Variants in DOCK10 observed in about 807,000 individuals in gnomAD.
The protein encoded by DOCK10 is dedicator of cytokinesis protein 10.
A neutral mutation model predicts 280.1 loss-of-function variants in DOCK10; 145 were observed. The observed-to-expected ratio is 0.52, with a 90% CI of 0.45 to 0.59. DOCK10 has a LOEUF of 0.59. Among genes scored for constraint, DOCK10 ranks in the 20% least tolerant of loss-of-function variants. The probability of loss-of-function intolerance (pLI) is 0.00; values close to 1 mark genes in which losing one functional copy is unlikely to be tolerated. For missense variants in DOCK10, 2,368 were observed against 2,651.7 expected (o/e 0.89, Z 2.35); for synonymous variants, 915 against 942.2 (o/e 0.97, Z 0.53).
At position 225,009,638 on chromosome 2, in the gene DOCK10, C is replaced by CGAAA. The variant is rs559047500; in HGVS notation, c.123+32613_123+32614insTTTC. 3.0e-3 allele frequency among the ~76,000 whole-genome samples: 406 copies of CGAAA among 135,560 alleles called. 8 individuals carry two copies. The highest frequency in any genetic ancestry group is 1.2e-3 in the Non-Finnish European group (79 of 64,018). 88.9% of individuals were successfully genotyped at this position (135,560 alleles called of 152,430 possible). ...ACAATGACAAAGGCAAGCCCTAAGG[C>CGAAA]AAAAAAAAAAAAAGAAAGAAAAAAG... On this transcript the variant is annotated intron_variant, in intron 1 of 55. Coordinates refer to ENST00000258390, the MANE Select transcript of DOCK10 (RefSeq NM_014689.3).
rs1459931864 is a variant in DOCK10, at chr2:224,814,338, G to C, written c.3391C>G (p.Gln1131Glu). Reference sequence around the variant, plus strand: ...CACTTACCTGATGCATGTAACTCTTGAGTCGATTCTGAAGGTGTCAAAGGA... The same window carrying C: ...CACTTACCTGATGCATGTAACTCTTCAGTCGATTCTGAAGGTGTCAAAGGA... ...PDPLTPSESTQELHASDMPEY... is the reference protein window; with the variant it reads ...PDPLTPSESTEELHASDMPEY... Residue 1131 changes from glutamine to glutamate, a missense_variant, in exon 31 of 56, where the codon CAA (glutamine) becomes GAA (glutamate). Around this residue, in one of 2 missense-constraint regions of DOCK10, gnomAD observed 1,159 missense variants for 1,400.8 expected, o/e 0.83. Transcript: ENST00000258390. 1.3e-5 allele frequency: 20 copies of C among 1,534,826 alleles called. No homozygotes were observed. The highest frequency in any genetic ancestry group is 1.8e-5 in the Non-Finnish European group (20 of 1,140,196).
Position 224,789,320 on chromosome 2 carries a change from C to A in DOCK10, c.5312-150G>T, listed in dbSNP as rs1396132124. ...GTTAGATTATGACTATTGATAAATGCGCTCTGCCAGGCAAACAATATTCCC... is the reference window on the plus strand; with the variant it reads ...GTTAGATTATGACTATTGATAAATGAGCTCTGCCAGGCAAACAATATTCCC... On this transcript the variant is annotated intron_variant, in intron 47 of 55. Coordinates refer to ENST00000258390, the MANE Select transcript of DOCK10 (RefSeq NM_014689.3). 5 of 545,296 alleles carry A rather than the reference C, an allele frequency of 9.2e-6. No homozygotes were observed. The East Asian group carries it at 1.2e-4, about 13-fold the overall frequency. The allele number at this position is 545,296 out of a possible 1,614,324, so 33.8% of individuals were successfully genotyped here.
intron 1 of DOCK10, among the ~76,000 whole-genome samples, chr2:224,965,691 T>A (rs1704695075): frequency 6.6e-6 from 1 of 152,198 alleles, no homozygotes; most frequent in South Asian, 2.1e-4. Flanking sequence ...AAATAGCAGG[T>A]GCTCCATAAT....
chr2:224,908,736 A>T (rs1700829428), intron 3 of DOCK10, among the ~76,000 whole-genome samples: 1 of 152,060 alleles, frequency 6.6e-6, no homozygotes, highest in Non-Finnish European at 1.5e-5. Context: ...AGATCAAGTG[A>T]TCCTCTTGCC....
At chr2:224,861,546 C>T (rs1685646183) in intron 14 of DOCK10, 1 of 152,218 alleles carries the variant, frequency 6.6e-6, no homozygotes, top group African/African-American at 2.4e-5. Flanking sequence ...CTTCCTACAC[C>T]TACTCATCTC....
At position 224,805,048 on chromosome 2, in the gene DOCK10, TA is replaced by T; in HGVS notation, c.4118+9del. 6.2e-7 allele frequency: 1 copy of T among 1,600,506 alleles called. No individual in the cohort carries two copies. On this transcript the variant is annotated intron_variant, in intron 37 of 55. Coordinates refer to ENST00000258390, the MANE Select transcript of DOCK10 (RefSeq NM_014689.3). The surrounding 1 kb of genome is among the most constrained non-coding windows in gnomAD (Gnocchi z 4.3). ...GAAAAAAGTGTTAAGTCATCAACTCTAAAACTTACTCCAAGATGCTGAAGAA... is the reference window on the plus strand; with the variant it reads ...GAAAAAAGTGTTAAGTCATCAACTCTAAACTTACTCCAAGATGCTGAAGAA...
At chr2:224,775,324 AT>A (rs1690764402) in intron 51 of DOCK10, among the ~76,000 whole-genome samples, 1 of 152,190 alleles carries the variant, frequency 6.6e-6, no homozygotes, top group Admixed American at 6.5e-5. Flanking sequence ...TAGGGGTGGA[AT>A]TAGAGCCAGC....
chr2:224,872,298 C>G (rs1698340338), intron 11 of DOCK10, among the ~76,000 whole-genome samples: 1 of 152,196 alleles, frequency 6.6e-6, no homozygotes, highest in Non-Finnish European at 1.5e-5. Flanking sequence ...TTGTACCAAG[C>G]AATGTCTGAG....
intron 1 of DOCK10, among the ~76,000 whole-genome samples, chr2:224,944,102 C>T (rs570160571): frequency 9.9e-5 from 15 of 152,184 alleles, no homozygotes; most frequent in Admixed American, 3.3e-4. Flanking sequence ...GTGCTGGGCA[C>T]GGTACAATGA....
At position 224,864,601 on chromosome 2, in the gene DOCK10, G is replaced by A; in HGVS notation, c.1554C>T (p.Asn518=). The A allele has an allele frequency of 1.2e-6, 2 of 1,613,290 alleles. No individual in the cohort carries two copies. The highest frequency in any genetic ancestry group is 4.5e-5 in the East Asian group (2 of 44,868). Residue 518 remains asparagine, a synonymous_variant, in exon 13 of 56, where the codon AAC becomes AAT. Coordinates refer to ENST00000258390, the MANE Select transcript of DOCK10 (RefSeq NM_014689.3). ...TATAAGGTTCGGCACCACTTGCAAT[G>A]TTTCCCATCAAGACTTTTTCGATTT... The part of the protein sequence containing the change: ...VAKIEKVLMG[N]IASGAEPYIK...
chr2:224,844,271 C>T (rs1696178085), intron 22 of DOCK10, among the ~76,000 whole-genome samples: 1 of 152,122 alleles, frequency 6.6e-6, no homozygotes, highest in Non-Finnish European at 1.5e-5. Context: ...GCTGGGATTA[C>T]AGGCATGCGT....
rs116134374 is a variant in DOCK10 at position 224,880,568 on chromosome 2, C to T, written c.748-4347G>A. ...ATTTCTCATATATCAGTGTCCTTTG[C>T]AGCCAGTGCAACTACTTTGTTCAGT... On this transcript the variant is annotated intron_variant, in intron 7 of 55. Coordinates refer to ENST00000258390, the MANE Select transcript of DOCK10 (RefSeq NM_014689.3). Among the ~76,000 whole-genome samples the T allele has an allele frequency of 9.7e-4, 148 of 152,318 alleles. 1 individual carries two copies. The highest frequency in any genetic ancestry group is 3.3e-3 in the African/African-American group (138 of 41,568).
rs765675283 is a variant in DOCK10, at chr2:224,805,458, T to G, written c.3886A>C (p.Asn1296His). 1 of 1,612,704 alleles carries G rather than the reference T, an allele frequency of 6.2e-7. No individual in the cohort carries two copies. Among genetic ancestry groups the G allele is most frequent in the African/African-American group, 1.3e-5 (1 of 74,840 alleles). ...CTGCTCTTCTCATTGGTACTTGGAT[T>G]GGAGTCAAGACTTGCTAAAGATGCT... is the stretch of plus-strand genomic sequence containing the variant. ...SRASLASLDS[N>H]PSTNEKSSEK... The change falls in exon 35 of 56, where the codon AAT (asparagine) becomes CAT (histidine). Residue 1296 changes from asparagine to histidine, a missense_variant. Asn to His is a moderately conservative substitution (Grantham distance 68, BLOSUM62 1). This residue lies in a region of DOCK10 where 1,159 missense variants were observed against 1,400.8 expected (regional missense o/e 0.83). Coordinates refer to ENST00000258390, the MANE Select transcript of DOCK10 (RefSeq NM_014689.3). The surrounding 1 kb of genome is among the most constrained non-coding windows in gnomAD (Gnocchi z 4.3).
chr2:224,816,100 T>C (rs1694119619), intron 30 of DOCK10, among the ~76,000 whole-genome samples: 1 of 152,060 alleles, frequency 6.6e-6, no homozygotes, highest in Non-Finnish European at 1.5e-5. Flanking sequence ...ACTCATTGGT[T>C]GGTAATAAAG....
At chr2:224,886,902 T>A (rs1699333489) in intron 4 of DOCK10, among the ~76,000 whole-genome samples, 1 of 134,768 alleles carries the variant, frequency 7.4e-6, no homozygotes, top group Non-Finnish European at 1.5e-5. Context: ...CCCCAAGTAG[T>A]ACCTGGGATT....
At chr2:224,964,955 A>T (rs1704648070) in intron 1 of DOCK10, among the ~76,000 whole-genome samples, 1 of 152,222 alleles carries the variant, frequency 6.6e-6, no homozygotes, top group Non-Finnish European at 1.5e-5. Flanking sequence ...AGTTATTTCT[A>T]GTATGGATGT....
rs190723077 is a variant in DOCK10, at chr2:224,793,090, G to T, written c.5213-18C>A. On this transcript the variant is annotated intron_variant, in intron 46 of 55. Transcript: ENST00000258390. ...CCAGTAACCTATGGTAGTGCAAGAT[G>T]AGGTTAGGACATTGCTACATGTTTA... 6.5e-6 allele frequency: 10 copies of T among 1,547,322 alleles called. No individual in the cohort carries two copies. In the East Asian group the frequency reaches 2.2e-4, roughly 35 times the overall value.
At chr2:224,953,702 C>A (rs1231470959) in intron 1 of DOCK10, among the ~76,000 whole-genome samples, 2 of 152,194 alleles carry the variant, frequency 1.3e-5, no homozygotes, top group African/African-American at 4.8e-5. Context: ...GCAAAGGTAA[C>A]TGCGGTTTTT....
chr2:224,862,434 G>A, intron 14 of DOCK10: 1 of 413,972 alleles, frequency 2.4e-6, no homozygotes, highest in South Asian at 4.3e-5. Context: ...ATCTGGTCAT[G>A]CATGCAGGGT....
Sources: allele counts gnomAD v4.1 joint callset (sites outside exome capture counted in the v4.1 genomes callset), GRCh38; gene constraint gnomAD v4.1.1; regional missense constraint gnomAD v4.1.1; non-coding constraint Gnocchi (gnomAD v3.1); transcripts MANE v1.5; gene names NCBI Gene and HGNC (gene_info 2026-07-23, HGNC 2026-07-21).